NOP14: variants seen among roughly 807,000 people sequenced by gnomAD.
NOP14 encodes nucleolar protein 14.
NOP14 carries 57 observed loss-of-function variants against 101.6 expected under a neutral mutation model. That is an observed-to-expected ratio of 0.56 (90% CI 0.45 to 0.70). The LOEUF (loss-of-function observed/expected upper bound fraction) is 0.70. NOP14 is among the 30% of genes least tolerant of loss of function. The probability of loss-of-function intolerance (pLI) is 0.00; values close to 1 mark genes in which losing one functional copy is unlikely to be tolerated. For synonymous variants in NOP14, 428 were observed against 424.0 expected, an observed-to-expected ratio of 1.01 and a Z score of -0.12; for missense variants, 1,134 against 1,075.5, an observed-to-expected ratio of 1.05 and a Z score of -0.76.
In NOP14 at chr4:2,939,161, C is replaced by T. The variant is rs145668814; in HGVS notation, c.2474+27G>A. 1.1e-4 allele frequency: 183 copies of T among 1,612,968 alleles called. No individual in the cohort carries two copies. The Admixed American group carries it at 2.5e-3, about 22-fold the overall frequency. On this transcript the variant is annotated intron_variant, in intron 17 of 17. Coordinates refer to ENST00000416614, the MANE Select transcript of NOP14 (RefSeq NM_001291978.2). ...CACCAAAGCTGAGTGACACCACAAT[C>T]GTGTCGCACACACACGTCCCCCTCA...
chr4:2,952,828 A>T (rs2109307783), intron 5 of NOP14, among the ~76,000 whole-genome samples: 1 of 152,360 alleles, frequency 6.6e-6, no homozygotes, highest in South Asian at 2.1e-4. Flanking sequence ...CTGTAATCCC[A>T]GCTACCCGGG....
chr4:2,941,610 G>T lies in NOP14; in HGVS notation c.2171C>A (p.Ala724Glu), dbSNP rs376459415. ...PLQALLTDHLADCSHPQELQE... is the reference protein window; with the variant it reads ...PLQALLTDHLEDCSHPQELQE... ...GAGCTCCTGCGGGTGGCTGCAGTCC[G>T]CCAGGTGATCCGTGAGGAGGGCTTG... Residue 724 changes from alanine to glutamate, a missense_variant, in exon 15 of 18, where the codon GCG becomes GAG. Physicochemically the swap from Ala to Glu is moderately radical, Grantham distance 107. Coordinates refer to ENST00000416614, the MANE Select transcript of NOP14 (RefSeq NM_001291978.2). 6.2e-7 allele frequency: 1 copy of T among 1,612,908 alleles called. No homozygotes were observed. Among genetic ancestry groups the T allele is most frequent in the Non-Finnish European group, 8.5e-7 (1 of 1,179,864 alleles).
At chr4:2,946,805 C>G (rs940960462) in intron 10 of NOP14, 1 of 490,208 alleles carries the variant, frequency 2.0e-6, no homozygotes, top group Non-Finnish European at 3.7e-6. Context: ...GGGCACCACT[C>G]TGTGTGGCAG....
intron 4 of NOP14, 33 bp downstream of exon 4, chr4:2,954,391 G>T (rs1289835353): frequency 6.2e-7 from 1 of 1,608,832 alleles, no homozygotes; most frequent in Admixed American, 1.7e-5. Context: ...GTCTTACCGT[G>T]GAGAAGATGA....
At chr4:2,945,041 T>A (rs1714512965) in intron 12 of NOP14, 87 bp downstream of exon 12, 1 of 901,450 alleles carries the variant, frequency 1.1e-6, no homozygotes, top group African/African-American at 1.7e-5. Flanking sequence ...ACAGCCACAC[T>A]CATGTTCCAC....
Position 2,938,509 on chromosome 4 carries a change from A to C in NOP14, c.*322T>G. ...ACAAGAGCAAAACTCCGTCTCAAAA[A>C]AAAAAATTTTTTTTTAAGCGACACA... On this transcript the variant is annotated 3_prime_UTR_variant, in exon 18 of 18. Coordinates refer to ENST00000416614, the MANE Select transcript of NOP14 (RefSeq NM_001291978.2). The C allele has an allele frequency of 2.8e-6, 1 of 357,730 alleles. No homozygotes were observed. The highest frequency in any genetic ancestry group is 2.4e-5 in the South Asian group (1 of 42,284). 22.2% of individuals were successfully genotyped at this position (357,730 alleles called of 1,614,324 possible).
intron 1 of NOP14, 84 bp from the exon 2 acceptor site, chr4:2,957,824 G>T: frequency 7.0e-7 from 1 of 1,420,426 alleles, no homozygotes; most frequent in African/African-American, 1.4e-5. Flanking sequence ...ATACTTTAAA[G>T]TTCAGGGCTA....
chr4:2,943,202 C>T (rs985548871), intron 13 of NOP14, among the ~76,000 whole-genome samples: 19 of 152,208 alleles, frequency 1.2e-4, no homozygotes, highest in South Asian at 4.1e-4. Flanking sequence ...AGCACTGAAC[C>T]GGAAGAGTGG....
At chr4:2,957,563 G>C (rs201397719) in intron 2 of NOP14, 43 bp downstream of exon 2, 41 of 1,607,996 alleles carry the variant, frequency 2.5e-5, no homozygotes, top group Admixed American at 2.5e-4. Context: ...TGACTTCCCT[G>C]TGAAATGTAC....
At chr4:2,941,778 T>C (rs1714216940) in intron 14 of NOP14, 49 bp from the exon 15 acceptor site, 1 of 1,580,344 alleles carries the variant, frequency 6.3e-7, no homozygotes, top group Non-Finnish European at 8.6e-7. Context: ...TGTTTGTCAC[T>C]GACAAAACCA....
In NOP14 at chr4:2,939,274, G is replaced by T; in HGVS notation, c.2388C>A (p.His796Gln). The change falls in exon 17 of 18, where the codon CAC becomes CAA. Residue 796 changes from histidine to glutamine, a missense_variant. Transcript: ENST00000416614. ...EQERKRLIHK[H>Q]KREFKGAVRE... ...GAACGGCCCCTTTAAATTCACGCTT[G>T]TGTTTGTGGATCAGCCTCTTCCTTT... 6.2e-7 allele frequency: 1 copy of T among 1,614,018 alleles called. No homozygotes were observed. Among genetic ancestry groups the T allele is most frequent in the Non-Finnish European group, 8.5e-7 (1 of 1,180,048 alleles).
chr4:2,949,831 C>T, intron 8 of NOP14, 103 bp downstream of exon 8: 1 of 1,363,256 alleles, frequency 7.3e-7, no homozygotes. Context: ...TCCTTGGTCC[C>T]CATTCCACAA....
intron 1 of NOP14, among the ~76,000 whole-genome samples, chr4:2,959,586 C>G (rs1457299140): frequency 8.4e-5 from 4 of 47,724 alleles, no homozygotes; most frequent in Non-Finnish European, 1.7e-4. Context: ...GACAAAGACT[C>G]TGTCTCAAAA....
At chr4:2,949,083 G>T (rs1714845896) in intron 8 of NOP14, among the ~76,000 whole-genome samples, 1 of 152,204 alleles carries the variant, frequency 6.6e-6, no homozygotes, top group Non-Finnish European at 1.5e-5. Context: ...AGCAGTGTCA[G>T]CTCAGGAGAC....
At chr4:2,942,460 A>G in intron 13 of NOP14, 109 bp from the exon 14 acceptor site, 1 of 1,125,422 alleles carries the variant, frequency 8.9e-7, no homozygotes, top group African/African-American at 1.6e-5. Flanking sequence ...ACGCACACCG[A>G]TTTTTATGTT....
At position 2,938,979 on chromosome 4, in the gene NOP14, A is replaced by G. The variant is rs1398430697; in HGVS notation, c.2475-49T>C. ...CCCATTTTTGGATTAGTTCTTGGAG[A>G]GCATCTTGCCCTCTCTCTCCCACAT... On this transcript the variant is annotated intron_variant, in intron 17 of 17. Transcript: ENST00000416614. The G allele has an allele frequency of 3.2e-6, 5 of 1,556,454 alleles. No individual in the cohort carries two copies. In the Admixed American group the frequency reaches 6.7e-5, roughly 21 times the overall value.
rs114255450 is a variant in NOP14, at chr4:2,938,517, T to G, written c.*314A>C. 2,399 of 366,822 alleles carry G rather than the reference T, an allele frequency of 6.5e-3. 54 individuals are homozygous for G. The highest frequency in any genetic ancestry group is 0.046 in the African/African-American group (2,196 of 47,324). The allele number at this position is 366,822 out of a possible 1,614,324, so 22.7% of individuals were successfully genotyped here. A position where few individuals can be genotyped will look rare whatever the true frequency, so the allele number is the denominator to read the frequency against. On this transcript the variant is annotated 3_prime_UTR_variant, in exon 18 of 18. Transcript: ENST00000416614. ...AAAACTCCGTCTCAAAAAAAAAAAT[T>G]TTTTTTTAAGCGACACAGTCTTGCA...
chr4:2,963,052 A>G, intron 1 of NOP14, 73 bp downstream of exon 1: 3 of 1,413,888 alleles, frequency 2.1e-6, no homozygotes, highest in Non-Finnish European at 2.8e-6. Flanking sequence ...ACGCACCGAG[A>G]AGGACGCAGC....
intron 11 of NOP14, among the ~76,000 whole-genome samples, chr4:2,945,583 C>A (rs573914511): frequency 6.6e-6 from 1 of 152,216 alleles, no homozygotes; most frequent in Non-Finnish European, 1.5e-5. Flanking sequence ...CACCAGGCAA[C>A]AGAATAAAGA....
Sources: gnomAD v4.1 joint callset for allele counts (sites outside exome capture counted in the v4.1 genomes callset) on GRCh38, gnomAD v4.1.1 for gene constraint, MANE v1.5 for transcripts, NCBI Gene and HGNC (gene_info 2026-07-23, HGNC 2026-07-21) for gene names.